Variants in JMJD1C observed in about 807,000 individuals in gnomAD.
The protein encoded by JMJD1C is jumonji domain-containing protein 1C.
In JMJD1C, 31 loss-of-function variants were observed where a neutral mutation model predicts 245.3. The ratio of observed to expected loss-of-function variants is 0.13; its 90% CI spans 0.09 to 0.17. JMJD1C has a LOEUF of 0.17. Ranked by LOEUF, JMJD1C falls within the 10% of genes least tolerant of loss-of-function variation. JMJD1C has a pLI of 1.00. For missense variants in JMJD1C, 2,691 were observed against 3,000.2 expected, an observed-to-expected ratio of 0.90 and a Z score of 2.41; for synonymous variants, 1,057 against 1,017.4, an observed-to-expected ratio of 1.04 and a Z score of -0.74.
chr10:63,319,367 T>C (rs1156644691), intron 2 of JMJD1C, among the ~76,000 whole-genome samples: 4 of 151,984 alleles, frequency 2.6e-5, no homozygotes, highest in Non-Finnish European at 5.9e-5. Flanking sequence ...GTGACTTTTT[T>C]TTTTCCCTCA....
In JMJD1C at chr10:63,198,722, G is replaced by T; in HGVS notation, c.5282C>A (p.Ser1761Ter). 2 of 1,578,340 alleles carry T rather than the reference G, an allele frequency of 1.3e-6. No homozygotes were observed. Among genetic ancestry groups the T allele is most frequent in the South Asian group, 2.3e-5 (2 of 85,916 alleles). Residue 1761 changes from serine (S) to a stop codon, truncating the protein, a stop_gained, in exon 12 of 26, where the codon TCA (serine) becomes TAA (stop). Coordinates refer to ENST00000399262, the MANE Select transcript of JMJD1C (RefSeq NM_032776.3). LOFTEE classifies it high-confidence loss of function. Reference sequence around the variant, plus strand: ...TCTAACTACTCCGTTTTTACTAAATGACAACCTGAAATATTAAAACATAAA... The same window carrying T: ...TCTAACTACTCCGTTTTTACTAAATTACAACCTGAAATATTAAAACATAAA... ...FCRFYYFRRL[S>*]FSKNGVVRID...
intron 2 of JMJD1C, among the ~76,000 whole-genome samples, chr10:63,294,025 T>A (rs1423561617): frequency 6.6e-6 from 1 of 152,174 alleles, no homozygotes; most frequent in African/African-American, 2.4e-5. Flanking sequence ...TTCCAACTGA[T>A]CCTAAAAGAC....
intron 10 of JMJD1C, chr10:63,202,723 A>G: frequency 1.0e-6 from 1 of 985,452 alleles, no homozygotes; most frequent in South Asian, 4.7e-5. Context: ...ACCCATTTCC[A>G]GAAGACTTAT....
intron 2 of JMJD1C, among the ~76,000 whole-genome samples, chr10:63,296,519 A>T (rs899517814): frequency 2.0e-5 from 3 of 152,206 alleles, no homozygotes; most frequent in Non-Finnish European, 4.4e-5. Context: ...ACAGAACAAT[A>T]CAAAAAACAT....
chr10:63,447,149 CAGTA>C (rs1176635234), intron 1 of JMJD1C, among the ~76,000 whole-genome samples: 1 of 151,010 alleles, frequency 6.6e-6, no homozygotes, highest in Non-Finnish European at 1.5e-5. Context: ...GAGGAAGGAA[CAGTA>C]AGTGTTAATA....
intron 1 of JMJD1C, among the ~76,000 whole-genome samples, chr10:63,426,678 G>C (rs1017923797): frequency 6.6e-6 from 1 of 151,912 alleles, no homozygotes; most frequent in Non-Finnish European, 1.5e-5. Context: ...AAAGACAATG[G>C]AATCATCCCC....
chr10:63,212,690 T>C (rs1272132719), intron 8 of JMJD1C, among the ~76,000 whole-genome samples: 2 of 152,094 alleles, frequency 1.3e-5, no homozygotes, highest in East Asian at 1.9e-4. Context: ...ACCATTAATA[T>C]ACAAACATAC....
rs375305760 is a variant in JMJD1C at position 63,484,187 on chromosome 10, GGGAT to G, written n.113+37547_113+37550del. Among the ~76,000 whole-genome samples, 81 of 144,926 alleles carry G rather than the reference GGGAT, an allele frequency of 5.6e-4. 1 individual carries two copies. Among genetic ancestry groups the G allele is most frequent in the African/African-American group, 1.7e-3 (66 of 37,746 alleles). On this transcript the variant is annotated intron_variant and non_coding_transcript_variant, in intron 1 of 3. Coordinates refer to the JMJD1C transcript ENST00000633035. ...CTCACTCCTGTAATCCCAGCACCTT[GGGAT>G]GGATGGATGGATGGATGGATGGATG...
chr10:63,206,357 A>G (rs1436107136), intron 10 of JMJD1C, among the ~76,000 whole-genome samples: 2 of 152,234 alleles, frequency 1.3e-5, no homozygotes, highest in Non-Finnish European at 2.9e-5. Context: ...ACTGTCAGGT[A>G]AGATATATAT....
intron 2 of JMJD1C, among the ~76,000 whole-genome samples, chr10:63,334,480 G>C (rs1283652678): frequency 2.0e-5 from 3 of 152,056 alleles, no homozygotes; most frequent in African/African-American, 7.2e-5. Context: ...CAAATACTTT[G>C]GGAGGTCTAG....
upstream of JMJD1C, among the ~76,000 whole-genome samples, chr10:63,467,531 A>G (rs1953346099): frequency 6.6e-6 from 1 of 152,234 alleles, no homozygotes; most frequent in Non-Finnish European, 1.5e-5. Flanking sequence ...CAAACAAACA[A>G]AAAACCTGTA....
Position 63,264,660 on chromosome 10 carries a change from C to T in JMJD1C, c.438G>A (p.Gln146=). ...LDFLTEDSAF[Q]PYQDDIDSLN... ...ATCTAAAATTTCTTACCTGGTAGGGCTGAAAGGCACTATCTTCAGTTAAAA... is the reference window on the plus strand; with the variant it reads ...ATCTAAAATTTCTTACCTGGTAGGGTTGAAAGGCACTATCTTCAGTTAAAA... The change falls in exon 3 of 26, where the codon CAG becomes CAA. Residue 146 remains glutamine, a synonymous_variant. Coordinates refer to ENST00000399262, the MANE Select transcript of JMJD1C (RefSeq NM_032776.3). 1.3e-6 allele frequency: 2 copies of T among 1,495,340 alleles called. No homozygotes were observed. Among genetic ancestry groups the T allele is most frequent in the Non-Finnish European group, 1.8e-6 (2 of 1,092,194 alleles). 92.6% of individuals were successfully genotyped at this position (1,495,340 alleles called of 1,614,324 possible). A position where few individuals can be genotyped will look rare whatever the true frequency, so the allele number is the denominator to read the frequency against.
At chr10:63,312,974 G>A (rs180808194) in intron 2 of JMJD1C, among the ~76,000 whole-genome samples, 84 of 152,076 alleles carry the variant, frequency 5.5e-4, no homozygotes, top group African/African-American at 1.9e-3. Flanking sequence ...TAGGTTTTTG[G>A]GGAACAGGTA....
intron 1 of JMJD1C, among the ~76,000 whole-genome samples, chr10:63,447,746 G>A (rs1255942454): frequency 3.3e-5 from 5 of 151,598 alleles, no homozygotes; most frequent in Non-Finnish European, 7.4e-5. Flanking sequence ...TCAACCATAG[G>A]GGAAGGTAGG....
intron 3 of JMJD1C, among the ~76,000 whole-genome samples, chr10:63,247,102 CAA>C (rs200646094): frequency 3.4e-4 from 21 of 60,984 alleles, no homozygotes; most frequent in African/African-American, 8.1e-4. Flanking sequence ...TAAACTGAGA[CAA>C]AAAAAACAAA....
At chr10:63,203,450 C>T in intron 10 of JMJD1C, 1 of 985,246 alleles carries the variant, frequency 1.0e-6, no homozygotes, top group Non-Finnish European at 1.2e-6. Flanking sequence ...CAAATACTTG[C>T]CAAACATTAA....
chr10:63,433,481 T>A (rs933820386), intron 1 of JMJD1C, among the ~76,000 whole-genome samples: 4 of 152,156 alleles, frequency 2.6e-5, no homozygotes, highest in African/African-American at 9.7e-5. Flanking sequence ...TAACTCATAA[T>A]TCAATTACGT....
intron 1 of JMJD1C, among the ~76,000 whole-genome samples, chr10:63,501,814 C>T (rs1350723599): frequency 6.6e-6 from 1 of 152,042 alleles, no homozygotes; most frequent in African/African-American, 2.4e-5. Flanking sequence ...AAGAATACTA[C>T]TACTATTTCT....
Position 63,214,277 on chromosome 10 carries a change from T to A in JMJD1C, c.1890A>T (p.Ser630=), listed in dbSNP as rs762921656. The A allele has an allele frequency of 2.5e-6, 4 of 1,614,090 alleles. No individual in the cohort carries two copies. The South Asian group carries it at 4.4e-5, about 18-fold the overall frequency. Residue 630 remains serine (S), a synonymous_variant, in exon 8 of 26, where the codon TCA becomes TCT. Transcript: ENST00000399262. ...PETIKSKLNT[S]VDTHKIKSSP... ...TGGATTTTATCTTGTGAGTATCTAC[T>A]GAAGTATTAAGTTTAGATTTTATAG... is the stretch of plus-strand genomic sequence containing the variant.
Sources: allele counts gnomAD v4.1 joint callset (sites outside exome capture counted in the v4.1 genomes callset), GRCh38; gene constraint gnomAD v4.1.1; transcripts MANE v1.5; gene names NCBI Gene and HGNC (gene_info 2026-07-23, HGNC 2026-07-21).